YME1L1: variants seen among roughly 807,000 people sequenced by gnomAD.
YME1L1 encodes the protein ATP-dependent zinc metalloprotease YME1L1.
Under a neutral mutation model 90.4 loss-of-function variants are expected in YME1L1, and 39 were observed. That is an observed-to-expected ratio of 0.43 (90% CI 0.33 to 0.56). YME1L1 has a LOEUF of 0.56. Among genes scored for constraint, YME1L1 ranks in the 20% least tolerant of loss-of-function variants. The pLI is 0.03. For synonymous variants in YME1L1, 284 were observed against 287.3 expected (o/e 0.99, Z 0.12); for missense variants, 617 against 868.4 (o/e 0.71, Z 3.64).
chr10:27,128,999 T>C (rs2056948999), intron 8 of YME1L1, among the ~76,000 whole-genome samples: 1 of 142,854 alleles, frequency 7.0e-6, no homozygotes, highest in East Asian at 2.1e-4. Context: ...GGCAGGAGTA[T>C]CACTTGAGCC....
intron 1 of YME1L1, among the ~76,000 whole-genome samples, chr10:27,149,407 G>A (rs952485211): frequency 3.3e-5 from 5 of 151,980 alleles, no homozygotes; most frequent in African/African-American, 9.7e-5. Flanking sequence ...TTAGGGGAGC[G>A]GCAAAACAAA....
rs112388702 is a variant in YME1L1 at position 27,119,527 on chromosome 10, A to C, written c.1412-78T>G. On this transcript the variant is annotated intron_variant, in intron 13 of 18. Transcript: ENST00000376016. Reference sequence around the variant, plus strand: ...GCTCTTCACAAAGAACTCACATTCCAACTGGGTGCGTTGGCTCATGCCTGT... The same window carrying C: ...GCTCTTCACAAAGAACTCACATTCCCACTGGGTGCGTTGGCTCATGCCTGT... 718 of 1,480,092 alleles carry C rather than the reference A, an allele frequency of 4.9e-4. 3 individuals are homozygous for C. In the African/African-American group the frequency reaches 9.2e-3, roughly 19 times the overall value. The allele number at this position is 1,480,092 out of a possible 1,614,324, so 91.7% of individuals were successfully genotyped here. A position where few individuals can be genotyped will look rare whatever the true frequency, so the allele number is the denominator to read the frequency against.
chr10:27,134,000 GAATAAGA>G, intron 7 of YME1L1, 32 bp downstream of exon 7: 2 of 1,380,252 alleles, frequency 1.4e-6, no homozygotes, highest in Non-Finnish European at 1.0e-6. Context: ...GTATTTAAAG[GAATAAGA>G]AATAAGTTAG....
chr10:27,126,167 G>A (rs2056917394), intron 9 of YME1L1, among the ~76,000 whole-genome samples: 1 of 152,144 alleles, frequency 6.6e-6, no homozygotes, highest in Non-Finnish European at 1.5e-5. Flanking sequence ...GTTAGGTTGA[G>A]TGCGCTGGCT....
At position 27,119,396 on chromosome 10, in the gene YME1L1, A is replaced by G; in HGVS notation, c.1465T>C (p.Leu489=). Reference sequence around the variant, plus strand: ...GCAGCCTGGTTCACAAGATTCTCCAACTCTGCTCCGGAAAAGCCAACAGTA... The same window carrying G: ...GCAGCCTGGTTCACAAGATTCTCCAGCTCTGCTCCGGAAAAGCCAACAGTA... ...RGTVGFSGAE[L]ENLVNQAALK... is the part of the protein sequence containing the mutation. The change falls in exon 14 of 19, where the codon TTG becomes CTG. Residue 489 remains leucine, a synonymous_variant. Coordinates refer to ENST00000376016, the MANE Select transcript of YME1L1 (RefSeq NM_014263.4). 1.9e-6 allele frequency: 3 copies of G among 1,613,344 alleles called. No individual in the cohort carries two copies. Among genetic ancestry groups the G allele is most frequent in the Non-Finnish European group, 2.5e-6 (3 of 1,179,674 alleles).
chr10:27,147,973 T>C (rs1330716997), intron 2 of YME1L1, among the ~76,000 whole-genome samples: 7 of 152,124 alleles, frequency 4.6e-5, no homozygotes, highest in Non-Finnish European at 1.5e-5. Context: ...TACCATTCAG[T>C]GAGCCAAGGC....
At position 27,147,675 on chromosome 10, in the gene YME1L1, G is replaced by A. The variant is rs960616317; in HGVS notation, c.168+1231C>T. The A allele has an allele frequency of 4.5e-6, 7 of 1,551,122 alleles. No individual in the cohort carries two copies. The African/African-American group carries it at 8.2e-5, about 18-fold the overall frequency. On this transcript the variant is annotated intron_variant, in intron 2 of 18. Transcript: ENST00000376016. ...GGAAGTCACTGAACATACACTGTAG[G>A]AAGAGAGGTTTTGATTCCTGGTTGT...
At chr10:27,153,543 T>A (rs1294934864) in intron 1 of YME1L1, among the ~76,000 whole-genome samples, 3 of 152,194 alleles carry the variant, frequency 2.0e-5, no homozygotes, top group Non-Finnish European at 4.4e-5. Flanking sequence ...AAGAGCGTAA[T>A]GAAAACCCTT....
At position 27,117,711 on chromosome 10, in the gene YME1L1, ACTT is replaced by A. The variant is rs2056827941; in HGVS notation, c.1581_1583del (p.Arg527del). ...TTTTGTTTTTGTTATCAATTTCCACACTTCTTCTTTCAGGCCCTAAGATAAATT... is the reference window on the plus strand; with the variant it reads ...TTTTGTTTTTGTTATCAATTTCCACACTTCTTTCAGGCCCTAAGATAAATT... On this transcript the variant is annotated inframe_deletion, in exon 15 of 19. Coordinates refer to ENST00000376016, the MANE Select transcript of YME1L1 (RefSeq NM_014263.4). 7 of 1,614,006 alleles carry A rather than the reference ACTT, an allele frequency of 4.3e-6. No homozygotes were observed. In the East Asian group the frequency reaches 8.9e-5, roughly 21 times the overall value.
At position 27,134,132 on chromosome 10, in the gene YME1L1, A is replaced by G. The variant is rs1422836135; in HGVS notation, c.692-10T>C. On this transcript the variant is annotated splice_polypyrimidine_tract_variant and intron_variant, in intron 6 of 18. Transcript: ENST00000376016. Reference sequence around the variant, plus strand: ...GTTCGCCTTAGGGAATCTAGGAGAGAAAGAAAAAGCTTTACATGAAATCAC... The same window carrying G: ...GTTCGCCTTAGGGAATCTAGGAGAGGAAGAAAAAGCTTTACATGAAATCAC... 1.9e-6 allele frequency: 3 copies of G among 1,595,950 alleles called. No individual in the cohort carries two copies. Among genetic ancestry groups the G allele is most frequent in the Non-Finnish European group, 2.6e-6 (3 of 1,169,114 alleles).
At chr10:27,128,828 G>A (rs975396455) in intron 8 of YME1L1, among the ~76,000 whole-genome samples, 1 of 152,074 alleles carries the variant, frequency 6.6e-6, no homozygotes, top group Non-Finnish European at 1.5e-5. Flanking sequence ...AGGATGGCTG[G>A]AGCCCAGGAG....
At chr10:27,149,341 A>T (rs902601754) in intron 1 of YME1L1, among the ~76,000 whole-genome samples, 10 of 152,222 alleles carry the variant, frequency 6.6e-5, no homozygotes, top group Admixed American at 2.0e-4. Flanking sequence ...ACATGCATAG[A>T]GAACAACTCT....
At position 27,154,365 on chromosome 10, in the gene YME1L1, C is replaced by G. The variant is rs1200105779; in HGVS notation, c.-155G>C. On this transcript the variant is annotated 5_prime_UTR_variant, in exon 1 of 19. Transcript: ENST00000376016. Reference sequence around the variant, plus strand: ...AACGGAAAATGGCCTCCCCTTCCTACAGCTACTGCAACGACAGACAATCCG... The same window carrying G: ...AACGGAAAATGGCCTCCCCTTCCTAGAGCTACTGCAACGACAGACAATCCG... 1.2e-6 allele frequency: 1 copy of G among 835,030 alleles called. No individual in the cohort carries two copies. The highest frequency in any genetic ancestry group is 1.9e-6 in the Non-Finnish European group (1 of 537,376). 51.7% of individuals were successfully genotyped at this position (835,030 alleles called of 1,614,324 possible).
At chr10:27,142,024 C>T (rs1020614807) in intron 4 of YME1L1, among the ~76,000 whole-genome samples, 8 of 151,820 alleles carry the variant, frequency 5.3e-5, no homozygotes, top group East Asian at 1.9e-4. Flanking sequence ...ATTTCTCGTC[C>T]GTTAACGGAA....
At chr10:27,112,673 C>G (rs1006267785) in intron 18 of YME1L1, among the ~76,000 whole-genome samples, 1 of 152,148 alleles carries the variant, frequency 6.6e-6, no homozygotes, top group African/African-American at 2.4e-5. Context: ...AGTCCTTACT[C>G]ACTAAAGACT....
chr10:27,153,290 A>C (rs1355014565), intron 1 of YME1L1: 1 of 468,890 alleles, frequency 2.1e-6, no homozygotes, highest in Non-Finnish European at 4.4e-6. Flanking sequence ...TACTAGCACA[A>C]AAAATTAAAA....
intron 7 of YME1L1, among the ~76,000 whole-genome samples, chr10:27,132,735 C>T (rs1401072302): frequency 6.6e-6 from 1 of 152,034 alleles, no homozygotes; most frequent in African/African-American, 2.4e-5. Context: ...AGTGAAATTG[C>T]TTGAACCCCA....
At chr10:27,117,364 T>A (rs1212516896) in intron 15 of YME1L1, among the ~76,000 whole-genome samples, 1 of 152,124 alleles carries the variant, frequency 6.6e-6, no homozygotes, top group African/African-American at 2.4e-5. Flanking sequence ...GGTCAGGAGT[T>A]CTAGAGCAGC....
chr10:27,111,503 T>C lies in YME1L1; in HGVS notation c.*474A>G, dbSNP rs1167374217. The C allele has an allele frequency of 4.7e-6, 1 of 212,510 alleles. No individual in the cohort carries two copies. The highest frequency in any genetic ancestry group is 9.6e-6 in the Non-Finnish European group (1 of 104,530). 13.2% of individuals were successfully genotyped at this position (212,510 alleles called of 1,614,324 possible). A position where few individuals can be genotyped will look rare whatever the true frequency, so the allele number is the denominator to read the frequency against. ...GCCATGGCACCATGCCAAAAGGCTA[T>C]ATTCCTGGCTCTGTGTTTCCGAGAC... On this transcript the variant is annotated 3_prime_UTR_variant, in exon 19 of 19. Coordinates refer to ENST00000376016, the MANE Select transcript of YME1L1 (RefSeq NM_014263.4).
Sources: allele counts gnomAD v4.1 joint callset (sites outside exome capture counted in the v4.1 genomes callset), GRCh38; gene constraint gnomAD v4.1.1; transcripts MANE v1.5; gene names NCBI Gene and HGNC (gene_info 2026-07-23, HGNC 2026-07-21).